CD96: variants seen among roughly 807,000 people sequenced by gnomAD.
The protein encoded by CD96 is T-cell surface protein tactile.
A neutral mutation model predicts 71.3 loss-of-function variants in CD96; 70 were observed. The observed-to-expected ratio is 0.98, with a 90% CI of 0.81 to 1.20. The LOEUF (loss-of-function observed/expected upper bound fraction) is 1.20, where lower values mean the gene tolerates loss of function less well. Among genes scored for constraint, CD96 ranks in the 50% most tolerant of loss-of-function variants. CD96 has a pLI of 0.00. For synonymous variants in CD96, 248 were observed against 233.0 expected, an observed-to-expected ratio of 1.06 and a Z score of -0.59; for missense variants, 742 against 677.5, an observed-to-expected ratio of 1.10 and a Z score of -1.06.
chr3:111,578,358 A>G (rs1244956333), intron 3 of CD96, among the ~76,000 whole-genome samples: 2 of 152,194 alleles, frequency 1.3e-5, no homozygotes, highest in African/African-American at 2.4e-5. Flanking sequence ...TCAGATTAAC[A>G]TTTTCAGGCT....
chr3:111,586,169 A>G (rs911477882), intron 5 of CD96, among the ~76,000 whole-genome samples: 1 of 152,134 alleles, frequency 6.6e-6, no homozygotes, highest in Non-Finnish European at 1.5e-5. Context: ...TTTTGTTATT[A>G]TTATTATCTG....
intron 12 of CD96, among the ~76,000 whole-genome samples, chr3:111,646,526 C>T (rs184496698): frequency 5.1e-4 from 76 of 150,162 alleles, no homozygotes; most frequent in East Asian, 3.7e-3. Flanking sequence ...GTTAGAATGG[C>T]TATTACTGAA....
At chr3:111,555,493 G>A (rs1934951367) in intron 2 of CD96, among the ~76,000 whole-genome samples, 1 of 152,278 alleles carries the variant, frequency 6.6e-6, no homozygotes, top group Non-Finnish European at 1.5e-5. Flanking sequence ...AGAGTGGATT[G>A]TTTCTCTTTC....
intron 2 of CD96, among the ~76,000 whole-genome samples, chr3:111,553,617 A>G (rs1447877079): frequency 1.3e-5 from 2 of 151,978 alleles, no homozygotes; most frequent in African/African-American, 2.4e-5. Context: ...GTATTTCTAT[A>G]AAGAGAAACT....
At chr3:111,628,209 TATGGATAAA>T (rs1938874549) in intron 10 of CD96, among the ~76,000 whole-genome samples, 2 of 152,264 alleles carry the variant, frequency 1.3e-5, no homozygotes, top group African/African-American at 4.8e-5. Flanking sequence ...GCCTTCAGAA[TATGGATAAA>T]AATGAAGTTC....
At chr3:111,616,315 A>T (rs928387004) in intron 8 of CD96, among the ~76,000 whole-genome samples, 2 of 152,224 alleles carry the variant, frequency 1.3e-5, no homozygotes. Context: ...AGTATAAAAA[A>T]GAAGAGATTA....
intron 2 of CD96, among the ~76,000 whole-genome samples, chr3:111,546,767 C>T (rs1934416243): frequency 6.6e-6 from 1 of 152,076 alleles, no homozygotes; most frequent in Non-Finnish European, 1.5e-5. Context: ...ATAGCCTCCT[C>T]TCCATGTCTT....
intron 10 of CD96, among the ~76,000 whole-genome samples, chr3:111,632,961 T>G (rs1939147887): frequency 6.6e-6 from 1 of 152,244 alleles, no homozygotes; most frequent in Non-Finnish European, 1.5e-5. Flanking sequence ...TTAGTTGCCT[T>G]CAATAACTTT....
At position 111,585,243 on chromosome 3, in the gene CD96, G is replaced by GACAC. The variant is rs200152394; in HGVS notation, c.752-70_752-67dup. 1.2e-4 allele frequency: 85 copies of GACAC among 732,150 alleles called. No homozygotes were observed. In the African/African-American group the frequency reaches 1.3e-3, roughly 11 times the overall value. The allele number at this position is 732,150 out of a possible 1,614,324, so 45.4% of individuals were successfully genotyped here. A position where few individuals can be genotyped will look rare whatever the true frequency, so the allele number is the denominator to read the frequency against. On this transcript the variant is annotated intron_variant, in intron 4 of 13. Transcript: ENST00000352690. ...TATTTAATGAATGAAGATGCTTATAGACACACACACACATACACACACTAG... is the reference window on the plus strand; with the variant it reads ...TATTTAATGAATGAAGATGCTTATAGACACACACACACACACATACACACACTAG...
chr3:111,583,044 T>A lies in CD96; in HGVS notation c.752-2279T>A, dbSNP rs754288778. On this transcript the variant is annotated intron_variant, in intron 4 of 13. Transcript: ENST00000352690. Reference sequence around the variant, plus strand: ...TGAGACAAGGCAAGTCCCTTCTGCCTATGAGCCTGTAAAATCAAACGCAAG... The same window carrying A: ...TGAGACAAGGCAAGTCCCTTCTGCCAATGAGCCTGTAAAATCAAACGCAAG... Among the ~76,000 whole-genome samples the A allele has an allele frequency of 8.3e-4, 127 of 152,342 alleles. 1 individual carries two copies. Among genetic ancestry groups the A allele is most frequent in the Admixed American group, 1.6e-3 (25 of 15,306 alleles).
chr3:111,567,373 G>A, intron 2 of CD96, 150 bp from the exon 3 acceptor site: 1 of 651,032 alleles, frequency 1.5e-6, no homozygotes, highest in Non-Finnish European at 2.8e-6. Flanking sequence ...ATACAATGAG[G>A]GCTATCGTGG....
chr3:111,617,387 T>A (rs1045577891), intron 8 of CD96, among the ~76,000 whole-genome samples: 8 of 152,202 alleles, frequency 5.3e-5, no homozygotes, highest in Non-Finnish European at 8.8e-5. Context: ...GATAGTGCTT[T>A]TTCCTGGCCT....
At chr3:111,593,346 G>T in intron 5 of CD96, 2 of 527,874 alleles carry the variant, frequency 3.8e-6, no homozygotes, top group Non-Finnish European at 6.0e-6. Context: ...TTCGGCCAAG[G>T]GTCAGCAGAG....
chr3:111,662,630 A>G (rs1272308834), intron 14 of CD96, among the ~76,000 whole-genome samples: 1 of 152,244 alleles, frequency 6.6e-6, no homozygotes, highest in Non-Finnish European at 1.5e-5. Flanking sequence ...TCAAAGTTCC[A>G]TAGGTTTCTA....
At chr3:111,609,251 T>C (rs1937784362) in intron 8 of CD96, among the ~76,000 whole-genome samples, 1 of 152,132 alleles carries the variant, frequency 6.6e-6, no homozygotes, top group Non-Finnish European at 1.5e-5. Flanking sequence ...GGATGAAAAT[T>C]GGAAAATGCA....
chr3:111,580,236 C>T lies in CD96; in HGVS notation c.751+1002C>T, dbSNP rs140105936. ...AGCTGAGCTGTGAAATCCACTGTGG[C>T]CTCACTCAAAATGCAGACTATCTGC... On this transcript the variant is annotated intron_variant, in intron 4 of 13. Transcript: ENST00000352690. 4.6e-3 allele frequency among the ~76,000 whole-genome samples: 701 copies of T among 152,262 alleles called. 7 individuals are homozygous for T. The highest frequency in any genetic ancestry group is 0.016 in the African/African-American group (666 of 41,556).
chr3:111,593,787 A>C, intron 5 of CD96: 1 of 1,614,148 alleles, frequency 6.2e-7, no homozygotes, highest in Non-Finnish European at 8.5e-7. Context: ...AGCCTACCCC[A>C]GTTACCCTCA....
intron 2 of CD96, among the ~76,000 whole-genome samples, chr3:111,549,643 T>C (rs903937589): frequency 1.3e-5 from 2 of 152,090 alleles, no homozygotes; most frequent in African/African-American, 4.8e-5. Flanking sequence ...GATTAGAAAC[T>C]TGTGTAGGAG....
intron 12 of CD96, among the ~76,000 whole-genome samples, chr3:111,646,685 A>G (rs906746477): frequency 5.3e-5 from 8 of 151,972 alleles, no homozygotes; most frequent in African/African-American, 1.9e-4. Context: ...AAAAAAAATT[A>G]CTATTTGATC....
Sources: allele counts gnomAD v4.1 joint callset (sites outside exome capture counted in the v4.1 genomes callset), GRCh38; gene constraint gnomAD v4.1.1; transcripts MANE v1.5; gene names NCBI Gene and HGNC (gene_info 2026-07-23, HGNC 2026-07-21).